Variants in KCNT2 observed in about 807,000 individuals in gnomAD.
The protein encoded by KCNT2 is potassium sodium-activated channel subfamily T member 2.
Under a neutral mutation model 153.8 loss-of-function variants are expected in KCNT2, and 67 were observed. The observed-to-expected ratio is 0.44, with a 90% CI of 0.36 to 0.53. The LOEUF is 0.53. Ranked by LOEUF, KCNT2 falls within the 20% of genes least tolerant of loss-of-function variation. The pLI is 0.00. For missense variants in KCNT2, 975 were observed against 1,354.8 expected (o/e 0.72, Z 4.40); for synonymous variants, 500 against 458.8 (o/e 1.09, Z -1.15).
Position 196,342,245 on chromosome 1 carries a change from C to T in KCNT2, c.1404-17G>A, listed in dbSNP as rs1018425368. ...TGGCCTTCTCTGCAACACAGGCACACACACATACACACACACAAAAAGAAA... is the reference window on the plus strand; with the variant it reads ...TGGCCTTCTCTGCAACACAGGCACATACACATACACACACACAAAAAGAAA... On this transcript the variant is annotated splice_polypyrimidine_tract_variant and intron_variant, in intron 14 of 27. Coordinates refer to ENST00000294725, the MANE Select transcript of KCNT2 (RefSeq NM_198503.5). The T allele has an allele frequency of 4.4e-6, 7 of 1,589,686 alleles. No homozygotes were observed. The highest frequency in any genetic ancestry group is 4.1e-5 in the African/African-American group (3 of 73,980).
intron 22 of KCNT2, among the ~76,000 whole-genome samples, chr1:196,287,183 T>G (rs1031884259): frequency 5.9e-5 from 9 of 152,190 alleles, no homozygotes; most frequent in Admixed American, 3.9e-4. Flanking sequence ...TCCTAATATA[T>G]TCTCTAATTT....
intron 6 of KCNT2, 31 bp downstream of exon 6, chr1:196,468,963 A>G: frequency 7.6e-7 from 1 of 1,307,444 alleles, no homozygotes; most frequent in Non-Finnish European, 1.1e-6. Flanking sequence ...TAATTACAAA[A>G]GTGTTTTTTT....
At chr1:196,273,598 A>G (rs1360036599) in intron 25 of KCNT2, 6 of 694,270 alleles carry the variant, frequency 8.6e-6, no homozygotes. Context: ...ACATATACCC[A>G]CATAACAAAA....
At chr1:196,593,851 T>C (rs568288706) in intron 1 of KCNT2, among the ~76,000 whole-genome samples, 1 of 152,224 alleles carries the variant, frequency 6.6e-6, no homozygotes, top group Non-Finnish European at 1.5e-5. Flanking sequence ...TGGTCACAGA[T>C]GTATTTCACA....
At chr1:196,516,599 C>T (rs1024622775) in intron 1 of KCNT2, among the ~76,000 whole-genome samples, 2 of 152,172 alleles carry the variant, frequency 1.3e-5, no homozygotes, top group African/African-American at 4.8e-5. Context: ...TGGAGCAGAC[C>T]ACAACACAGC....
At chr1:196,407,978 C>G (rs1180903370) in intron 12 of KCNT2, among the ~76,000 whole-genome samples, 1 of 151,326 alleles carries the variant, frequency 6.6e-6, no homozygotes, top group East Asian at 2.0e-4. Flanking sequence ...TCTGACCTCT[C>G]TTTACTTAGA....
chr1:196,322,272 G>A (rs1018658424), intron 19 of KCNT2, among the ~76,000 whole-genome samples: 5 of 151,640 alleles, frequency 3.3e-5, no homozygotes, highest in Admixed American at 2.6e-4. Flanking sequence ...AATAAATGTC[G>A]AAAAATTGTT....
intron 22 of KCNT2, among the ~76,000 whole-genome samples, chr1:196,291,454 T>C (rs907171284): frequency 3.6e-4 from 55 of 152,090 alleles, no homozygotes; most frequent in African/African-American, 1.3e-3. Context: ...CATTACACAA[T>C]TACTTTCTCT....
At chr1:196,541,854 T>C (rs750497241) in intron 1 of KCNT2, among the ~76,000 whole-genome samples, 1 of 152,006 alleles carries the variant, frequency 6.6e-6, no homozygotes, top group Non-Finnish European at 1.5e-5. Flanking sequence ...ATATATTGAT[T>C]AGTAATATAT....
chr1:196,592,730 T>C (rs1663531239), intron 1 of KCNT2, among the ~76,000 whole-genome samples: 1 of 146,956 alleles, frequency 6.8e-6, no homozygotes, highest in African/African-American at 2.5e-5. Context: ...TATATATACA[T>C]ATATATATAT....
Position 196,380,156 on chromosome 1 carries a change from A to T in KCNT2, c.1295-6908T>A, listed in dbSNP as rs537368980. On this transcript the variant is annotated intron_variant, in intron 13 of 27. Coordinates refer to ENST00000294725, the MANE Select transcript of KCNT2 (RefSeq NM_198503.5). ...ATGTGTGTCTGGATATGCACAGAAA[A>T]TAGTGTGTAAAGATAAGCATCAAAT... Among the ~76,000 whole-genome samples, 194 of 152,318 alleles carry T rather than the reference A, an allele frequency of 1.3e-3. 1 individual carries two copies. The highest frequency in any genetic ancestry group is 4.5e-3 in the African/African-American group (186 of 41,570).
chr1:196,237,035 A>T (rs2102240233), intron 26 of KCNT2, among the ~76,000 whole-genome samples: 1 of 151,650 alleles, frequency 6.6e-6, no homozygotes, highest in African/African-American at 2.4e-5. Context: ...GAAAGAACTA[A>T]ATTTTTCAGT....
intron 25 of KCNT2, among the ~76,000 whole-genome samples, chr1:196,273,660 A>C (rs942739054): frequency 6.6e-6 from 1 of 151,920 alleles, no homozygotes; most frequent in Non-Finnish European, 1.5e-5. Flanking sequence ...TTAGATAAAG[A>C]ATAAGCTATT....
intron 1 of KCNT2, among the ~76,000 whole-genome samples, chr1:196,521,834 A>T (rs1832617): frequency 0.48 from 72,773 of 151,978 alleles, 19,788 homozygotes; most frequent in Middle Eastern, 0.73. Context: ...CAGAAAAAAC[A>T]ACTATTGGGT....
chr1:196,416,932 C>CT (rs1672805143), intron 12 of KCNT2, among the ~76,000 whole-genome samples: 1 of 152,008 alleles, frequency 6.6e-6, no homozygotes, highest in South Asian at 2.1e-4. Flanking sequence ...CCCCACTACC[C>CT]TTCCCAGCCT....
intron 1 of KCNT2, among the ~76,000 whole-genome samples, chr1:196,521,890 C>A (rs1653475317): frequency 1.3e-5 from 2 of 152,002 alleles, no homozygotes; most frequent in Non-Finnish European, 2.9e-5. Flanking sequence ...ACAACAAACC[C>A]CTATGACACA....
At chr1:196,265,615 T>C (rs992989429) in intron 25 of KCNT2, among the ~76,000 whole-genome samples, 4 of 152,172 alleles carry the variant, frequency 2.6e-5, no homozygotes, top group Non-Finnish European at 5.9e-5. Flanking sequence ...ACCTGTTACT[T>C]TGTGCACTAT....
At chr1:196,494,410 G>T (rs1309078359) in intron 1 of KCNT2, among the ~76,000 whole-genome samples, 1 of 151,876 alleles carries the variant, frequency 6.6e-6, no homozygotes, top group Admixed American at 6.6e-5. Context: ...TTTTTTTGTT[G>T]TTTTTTGGTG....
intron 5 of KCNT2, among the ~76,000 whole-genome samples, chr1:196,474,872 C>T (rs1031414785): frequency 6.6e-6 from 1 of 152,204 alleles, no homozygotes; most frequent in Admixed American, 6.5e-5. Flanking sequence ...CAGACCTGCA[C>T]TTCTGTATGA....
Sources: gnomAD v4.1 joint callset for allele counts (sites outside exome capture counted in the v4.1 genomes callset) on GRCh38, gnomAD v4.1.1 for gene constraint, MANE v1.5 for transcripts, NCBI Gene and HGNC (gene_info 2026-07-23, HGNC 2026-07-21) for gene names.